CNTN5: variants seen among roughly 807,000 people sequenced by gnomAD.
CNTN5 encodes the protein contactin-5.
Under a neutral mutation model 129.1 loss-of-function variants are expected in CNTN5, and 77 were observed. The ratio of observed to expected loss-of-function variants is 0.60; its 90% CI spans 0.50 to 0.72. The LOEUF is 0.72. CNTN5 is among the 30% of genes least tolerant of loss of function. The pLI is 0.00. For missense variants in CNTN5, 1,478 were observed against 1,328.8 expected, an observed-to-expected ratio of 1.11 and a Z score of -1.75; for synonymous variants, 509 against 465.6, an observed-to-expected ratio of 1.09 and a Z score of -1.20.
At chr11:99,446,651 T>C (rs964700615) in intron 2 of CNTN5, among the ~76,000 whole-genome samples, 54 of 152,236 alleles carry the variant, frequency 3.5e-4, no homozygotes, top group African/African-American at 1.3e-3. Context: ...AAGTGATTTA[T>C]AGAAGCAAGG....
At chr11:99,039,155 G>A (rs1370895432) in intron 1 of CNTN5, among the ~76,000 whole-genome samples, 1 of 152,102 alleles carries the variant, frequency 6.6e-6, no homozygotes, top group East Asian at 1.9e-4. Flanking sequence ...ATAAATTCAT[G>A]TAGAAACATC....
chr11:99,113,984 G>A (rs1857921243), intron 1 of CNTN5, among the ~76,000 whole-genome samples: 1 of 152,072 alleles, frequency 6.6e-6, no homozygotes, highest in South Asian at 2.1e-4. Flanking sequence ...CCTCTCATAA[G>A]TTACGCTTAT....
intron 1 of CNTN5, among the ~76,000 whole-genome samples, chr11:99,086,042 T>C (rs753874535): frequency 2.2e-4 from 33 of 152,234 alleles, no homozygotes; most frequent in Admixed American, 6.5e-4. Flanking sequence ...ATAATCAGTA[T>C]GTTGAGCCCA....
At chr11:100,271,733 C>T (rs567471202) in intron 18 of CNTN5, among the ~76,000 whole-genome samples, 105 of 152,272 alleles carry the variant, frequency 6.9e-4, no homozygotes, top group African/African-American at 1.8e-3. Context: ...TTCCTGAAGT[C>T]TATATGTAAA....
chr11:100,224,503 T>A (rs543950828), intron 15 of CNTN5, among the ~76,000 whole-genome samples, 189 bp from the exon 16 acceptor site: 1 of 152,170 alleles, frequency 6.6e-6, no homozygotes, highest in African/African-American at 2.4e-5. Flanking sequence ...ACCCCTTTAT[T>A]AGCAATTGTT....
At chr11:99,508,545 T>G (rs1353280187) in intron 2 of CNTN5, among the ~76,000 whole-genome samples, 4 of 152,146 alleles carry the variant, frequency 2.6e-5, no homozygotes, top group Admixed American at 2.6e-4. Context: ...TCCACAGGGT[T>G]TGCGGAGCCC....
chr11:99,722,255 C>T (rs1311808373), intron 3 of CNTN5, among the ~76,000 whole-genome samples: 2 of 151,986 alleles, frequency 1.3e-5, no homozygotes, highest in Non-Finnish European at 2.9e-5. Flanking sequence ...TGACAGATTA[C>T]ATAAAGAAAA....
intron 24 of CNTN5, among the ~76,000 whole-genome samples, chr11:100,352,356 A>C (rs932624434): frequency 6.6e-6 from 1 of 151,702 alleles, no homozygotes; most frequent in African/African-American, 2.4e-5. Flanking sequence ...CATTCATTTC[A>C]TTTTTTTAAA....
chr11:100,013,021 A>T (rs1940616480), intron 9 of CNTN5, among the ~76,000 whole-genome samples: 4 of 152,192 alleles, frequency 2.6e-5, no homozygotes, highest in Admixed American at 2.6e-4. Context: ...AAAAGAATGA[A>T]GTTATGCCTT....
intron 3 of CNTN5, among the ~76,000 whole-genome samples, chr11:99,672,555 C>G (rs1247656256): frequency 6.6e-6 from 1 of 151,366 alleles, no homozygotes; most frequent in Non-Finnish European, 1.5e-5. Context: ...ATGTCATACT[C>G]TGCACGAGCA....
intron 13 of CNTN5, among the ~76,000 whole-genome samples, chr11:100,145,204 C>T (rs769352571): frequency 1.3e-5 from 2 of 152,174 alleles, no homozygotes; most frequent in African/African-American, 2.4e-5. Context: ...AAAATTACGC[C>T]GCTAAATCAC....
chr11:99,340,690 G>C (rs1358304202), intron 2 of CNTN5, among the ~76,000 whole-genome samples: 1 of 152,050 alleles, frequency 6.6e-6, no homozygotes, highest in Non-Finnish European at 1.5e-5. Context: ...AACGGTAGGA[G>C]AAAAAGCAAA....
At chr11:99,483,322 C>T (rs1945678763) in intron 2 of CNTN5, among the ~76,000 whole-genome samples, 1 of 152,020 alleles carries the variant, frequency 6.6e-6, no homozygotes, top group African/African-American at 2.4e-5. Context: ...TGCCATTCTT[C>T]GTGCGCAGTG....
intron 8 of CNTN5, among the ~76,000 whole-genome samples, chr11:99,968,676 T>A (rs1951164369): frequency 7.2e-6 from 1 of 139,650 alleles, no homozygotes; most frequent in African/African-American, 2.7e-5. Flanking sequence ...TTTTTTTTTT[T>A]TTTTTTTTTT....
At chr11:99,097,460 A>G (rs1286335881) in intron 1 of CNTN5, among the ~76,000 whole-genome samples, 1 of 151,952 alleles carries the variant, frequency 6.6e-6, no homozygotes, top group African/African-American at 2.4e-5. Context: ...GACCAAGACC[A>G]TAAGGATTTT....
At chr11:99,455,004 A>G (rs1296288600) in intron 2 of CNTN5, among the ~76,000 whole-genome samples, 1 of 152,148 alleles carries the variant, frequency 6.6e-6, no homozygotes, top group East Asian at 1.9e-4. Flanking sequence ...TGCACTGCAT[A>G]TAGAATCTAA....
chr11:99,542,073 C>T (rs540812811), intron 2 of CNTN5, among the ~76,000 whole-genome samples: 17 of 151,012 alleles, frequency 1.1e-4, no homozygotes, highest in African/African-American at 2.2e-4. Context: ...AATAATTGTA[C>T]GTATTTATGG....
chr11:99,162,524 C>T (rs1262483542), intron 1 of CNTN5, among the ~76,000 whole-genome samples: 3 of 152,050 alleles, frequency 2.0e-5, no homozygotes, highest in African/African-American at 4.8e-5. Flanking sequence ...TAAAATATAC[C>T]TCTTATTGAC....
intron 10 of CNTN5, among the ~76,000 whole-genome samples, chr11:100,070,156 C>T (rs1247174684): frequency 7.9e-6 from 1 of 126,528 alleles, no homozygotes; most frequent in African/African-American, 3.1e-5. Context: ...AACTAAACCA[C>T]TTAAAGTCCA....
Sources: gnomAD v4.1 joint callset for allele counts (sites outside exome capture counted in the v4.1 genomes callset) on GRCh38, gnomAD v4.1.1 for gene constraint, MANE v1.5 for transcripts, NCBI Gene and HGNC (gene_info 2026-07-23, HGNC 2026-07-21) for gene names.